Variants in UNC5D observed in about 807,000 individuals in gnomAD.
UNC5D encodes the protein netrin receptor UNC5D.
UNC5D carries 39 observed loss-of-function variants against 105.4 expected under a neutral mutation model. The ratio of observed to expected loss-of-function variants is 0.37; its 90% CI spans 0.29 to 0.48. The LOEUF is 0.48. UNC5D is among the 20% of genes least tolerant of loss of function. UNC5D has a pLI of 0.98. For synonymous variants in UNC5D, 452 were observed against 450.4 expected, an observed-to-expected ratio of 1.00 and a Z score of -0.04; for missense variants, 991 against 1,202.4, an observed-to-expected ratio of 0.82 and a Z score of 2.60.
At chr8:35,630,205 G>C (rs1157697305) in intron 4 of UNC5D, among the ~76,000 whole-genome samples, 2 of 152,184 alleles carry the variant, frequency 1.3e-5, no homozygotes, top group African/African-American at 4.8e-5. Flanking sequence ...ATGTTATGAT[G>C]ATAGTGGAAT....
At chr8:35,527,675 T>A (rs1813977374) in intron 1 of UNC5D, among the ~76,000 whole-genome samples, 1 of 152,136 alleles carries the variant, frequency 6.6e-6, no homozygotes, top group South Asian at 2.1e-4. Context: ...TCTCAGTATC[T>A]AGGACTACAG....
intron 1 of UNC5D, among the ~76,000 whole-genome samples, chr8:35,324,331 T>C (rs1242755200): frequency 6.6e-6 from 1 of 151,772 alleles, no homozygotes; most frequent in East Asian, 1.9e-4. Context: ...GCTTCCTATG[T>C]GCCAAGTATC....
Position 35,649,038 on chromosome 8 carries a change from A to G in UNC5D, c.571-34509A>G, listed in dbSNP as rs1823245494. Among the ~76,000 whole-genome samples, 3 of 152,332 alleles carry G rather than the reference A, an allele frequency of 2.0e-5. No individual in the cohort carries two copies. In the South Asian group the frequency reaches 6.2e-4, roughly 32 times the overall value. ...GGAGATGGTACTTCACTTTTATTAC[A>G]TACTAAGATTTAGCTTATCTTTGAG... is the stretch of plus-strand genomic sequence containing the variant. On this transcript the variant is annotated intron_variant, in intron 4 of 16. Transcript: ENST00000404895.
At chr8:35,507,149 G>A (rs1366855941) in intron 1 of UNC5D, among the ~76,000 whole-genome samples, 3 of 138,728 alleles carry the variant, frequency 2.2e-5, no homozygotes, top group Non-Finnish European at 3.1e-5. Flanking sequence ...TCCGCCTCCC[G>A]GGTTCACGCC....
intron 6 of UNC5D, among the ~76,000 whole-genome samples, chr8:35,686,117 T>C (rs1309539834): frequency 6.6e-6 from 1 of 152,180 alleles, no homozygotes. Context: ...TTTAGGGGCT[T>C]CTAGGGCTTA....
intron 13 of UNC5D, among the ~76,000 whole-genome samples, chr8:35,758,659 T>C (rs1007158293): frequency 6.6e-6 from 1 of 152,220 alleles, no homozygotes; most frequent in African/African-American, 2.4e-5. Context: ...TTGTATTAGA[T>C]TGTATTACGT....
intron 1 of UNC5D, among the ~76,000 whole-genome samples, chr8:35,418,189 G>A (rs12335292): frequency 0.049 from 7,512 of 152,042 alleles, 212 homozygotes; most frequent in African/African-American, 0.073. Flanking sequence ...TACTGCCCAG[G>A]GCTAAGGTCA....
intron 13 of UNC5D, among the ~76,000 whole-genome samples, chr8:35,753,124 G>A (rs1338010191): frequency 6.6e-6 from 1 of 152,102 alleles, no homozygotes. Context: ...ACAAATTACT[G>A]TGGACGTCAT....
At chr8:35,353,827 T>C (rs1812415846) in intron 1 of UNC5D, among the ~76,000 whole-genome samples, 1 of 152,124 alleles carries the variant, frequency 6.6e-6, no homozygotes, top group Non-Finnish European at 1.5e-5. Context: ...TACACGTGTA[T>C]AAAATTTATA....
chr8:35,372,039 T>C (rs1053485700), intron 1 of UNC5D, among the ~76,000 whole-genome samples: 10 of 152,146 alleles, frequency 6.6e-5, no homozygotes, highest in Admixed American at 5.2e-4. Flanking sequence ...CCTGTACTTT[T>C]CCCCCTCACC....
chr8:35,761,979 C>T (rs1014925262), intron 14 of UNC5D, among the ~76,000 whole-genome samples: 1 of 152,146 alleles, frequency 6.6e-6, no homozygotes, highest in African/African-American at 2.4e-5. Context: ...GCCTATTTCT[C>T]GTTATCCCAG....
intron 13 of UNC5D, among the ~76,000 whole-genome samples, chr8:35,751,138 G>T (rs1285260286): frequency 6.6e-6 from 1 of 152,130 alleles, no homozygotes; most frequent in Non-Finnish European, 1.5e-5. Context: ...AGTGCTGACT[G>T]GTTGCTTCAG....
rs1262721314 is a variant in UNC5D at position 35,271,667 on chromosome 8, A to AT, written c.103+35780_103+35781insT. ...ACCATATGTATACCTATATTTATAC[A>AT]GGTATACATATATATGTATACATGT... On this transcript the variant is annotated intron_variant, in intron 1 of 16. Transcript: ENST00000404895. Among the ~76,000 whole-genome samples, 38 of 55,340 alleles carry AT rather than the reference A, an allele frequency of 6.9e-4. 1 individual carries two copies. The highest frequency in any genetic ancestry group is 0.01 in the Middle Eastern group (1 of 96). The allele number at this position is 55,340 out of a possible 152,430, so 36.3% of individuals were successfully genotyped here. A position where few individuals can be genotyped will look rare whatever the true frequency, so the allele number is the denominator to read the frequency against.
At chr8:35,696,039 A>G (rs1461332245) in intron 7 of UNC5D, among the ~76,000 whole-genome samples, 1 of 152,092 alleles carries the variant, frequency 6.6e-6, no homozygotes, top group Non-Finnish European at 1.5e-5. Flanking sequence ...TTTATAAAGC[A>G]AATCCTAATT....
chr8:35,527,812 G>A (rs1223844995), intron 1 of UNC5D, among the ~76,000 whole-genome samples: 4 of 151,982 alleles, frequency 2.6e-5, no homozygotes, highest in Non-Finnish European at 1.5e-5. Flanking sequence ...GATTACAGGC[G>A]TGAGCCACCA....
At chr8:35,372,016 C>T (rs908416854) in intron 1 of UNC5D, among the ~76,000 whole-genome samples, 5 of 152,138 alleles carry the variant, frequency 3.3e-5, no homozygotes, top group African/African-American at 9.7e-5. Flanking sequence ...CTCTGATCTG[C>T]GTCTAGCTAC....
At chr8:35,427,349 C>A (rs930467639) in intron 1 of UNC5D, among the ~76,000 whole-genome samples, 1 of 152,184 alleles carries the variant, frequency 6.6e-6, no homozygotes, top group Non-Finnish European at 1.5e-5. Context: ...CCTCACAAAC[C>A]CACCTGGGGC....
intron 4 of UNC5D, among the ~76,000 whole-genome samples, chr8:35,598,470 A>G (rs1819627300): frequency 6.6e-6 from 1 of 152,184 alleles, no homozygotes; most frequent in Non-Finnish European, 1.5e-5. Context: ...TGGTATAGCC[A>G]TTATGGAAAA....
At chr8:35,316,523 T>C (rs1325681331) in intron 1 of UNC5D, among the ~76,000 whole-genome samples, 1 of 152,174 alleles carries the variant, frequency 6.6e-6, no homozygotes, top group Non-Finnish European at 1.5e-5. Flanking sequence ...ACTTGCAAGG[T>C]GTGAACATAT....
Sources: allele counts gnomAD v4.1 joint callset (sites outside exome capture counted in the v4.1 genomes callset), GRCh38; gene constraint gnomAD v4.1.1; transcripts MANE v1.5; gene names NCBI Gene and HGNC (gene_info 2026-07-23, HGNC 2026-07-21).